The following KDM4C variants were observed in gnomAD, a reference collection of about 807,000 sequenced individuals.
The protein encoded by KDM4C is lysine demethylase 4C, also known as lysine-specific demethylase 4C.
A neutral mutation model predicts 129.3 loss-of-function variants in KDM4C; 81 were observed. That is an observed-to-expected ratio of 0.63 (90% confidence interval 0.52 to 0.75). The LOEUF is 0.75. KDM4C is among the 30% of genes least tolerant of loss of function. The pLI is 0.00. For missense variants in KDM4C, 1,457 were observed against 1,304.0 expected (o/e 1.12, Z -1.81); for synonymous variants, 573 against 456.1 (o/e 1.26, Z -3.26).
chr9:6,744,276 A>G (rs1817803784), intron 1 of KDM4C, among the ~76,000 whole-genome samples: 1 of 152,216 alleles, frequency 6.6e-6, no homozygotes. Flanking sequence ...CTGTAATCCC[A>G]GCACTTTGGG....
intron 15 of KDM4C, among the ~76,000 whole-genome samples, chr9:7,021,140 G>GTGTGTATATA (rs111565497): frequency 8.8e-5 from 13 of 146,952 alleles, no homozygotes; most frequent in Admixed American, 2.7e-4. Context: ...GTGTGTGTGT[G>GTGTGTATATA]TATATATATA....
At chr9:6,768,590 A>C (rs938804998) in intron 1 of KDM4C, among the ~76,000 whole-genome samples, 3 of 152,162 alleles carry the variant, frequency 2.0e-5, no homozygotes, top group African/African-American at 7.2e-5. Flanking sequence ...TATTTGTTAT[A>C]GTAATTAATG....
chr9:7,092,941 G>A (rs1008495775), intron 17 of KDM4C, among the ~76,000 whole-genome samples: 9 of 152,108 alleles, frequency 5.9e-5, no homozygotes, highest in African/African-American at 1.9e-4. Flanking sequence ...CATTATAAAA[G>A]CCATGCCAAG....
At chr9:7,078,474 T>C (rs768471593) in intron 17 of KDM4C, among the ~76,000 whole-genome samples, 8 of 152,110 alleles carry the variant, frequency 5.3e-5, no homozygotes, top group Non-Finnish European at 7.4e-5. Context: ...ATTTTTCTTA[T>C]TAATGTTCAC....
intron 8 of KDM4C, among the ~76,000 whole-genome samples, chr9:6,928,592 A>G (rs1343539119): frequency 6.9e-6 from 1 of 145,506 alleles, no homozygotes; most frequent in African/African-American, 2.7e-5. Flanking sequence ...TATATCACCT[A>G]TGTCCTCTTT....
chr9:6,819,506 C>A (rs1832666740), intron 4 of KDM4C, among the ~76,000 whole-genome samples: 1 of 152,186 alleles, frequency 6.6e-6, no homozygotes, highest in Admixed American at 6.5e-5. Flanking sequence ...TATAGAATTT[C>A]TGCAGGCTGT....
chr9:7,118,029 T>A (rs1160098849), intron 18 of KDM4C, among the ~76,000 whole-genome samples: 1 of 152,236 alleles, frequency 6.6e-6, no homozygotes, highest in Non-Finnish European at 1.5e-5. Flanking sequence ...AAGATTCTGC[T>A]ATAGCTAAAG....
intron 17 of KDM4C, among the ~76,000 whole-genome samples, chr9:7,078,285 G>C (rs1834146035): frequency 6.6e-6 from 1 of 151,862 alleles, no homozygotes; most frequent in South Asian, 2.1e-4. Flanking sequence ...TATTAAATCA[G>C]ATAAAATGTT....
intron 19 of KDM4C, among the ~76,000 whole-genome samples, chr9:7,155,796 G>C (rs1843107374): frequency 6.6e-6 from 1 of 152,174 alleles, no homozygotes; most frequent in South Asian, 2.1e-4. Flanking sequence ...CTTTGCTATT[G>C]TGAATAGTGT....
At position 7,103,823 on chromosome 9, in the gene KDM4C, TATGTGGTGAACATTAC is replaced by T; in HGVS notation, c.2567_2582del (p.Val856AlafsTer10). On this transcript the variant is annotated frameshift_variant, in exon 18 of 22. Coordinates refer to ENST00000381309, the MANE Select transcript of KDM4C (RefSeq NM_015061.6). LOFTEE classifies it high-confidence loss of function. The stretch of plus-strand genomic sequence containing the variant: ...ACTGATGGAGCCTGATGACTGGCCT[TATGTGGTGAACATTAC>T]ATGCTTTCGACATAAGGTCAACCCC... The T allele has an allele frequency of 6.2e-7, 1 of 1,614,046 alleles. No individual in the cohort carries two copies.
chr9:7,025,239 C>T (rs1825611279), intron 15 of KDM4C, among the ~76,000 whole-genome samples: 1 of 152,032 alleles, frequency 6.6e-6, no homozygotes, highest in Non-Finnish European at 1.5e-5. Context: ...TTATTTTCAG[C>T]CTATGTGTGT....
rs537771829 is a variant in KDM4C, at chr9:7,073,511, T to C, written c.2424+24311T>C. ...CCTTTGTGGTGGTAGCTTCCCGATA[T>C]TCTCAGAGGCTGAAAACAAACATGG... On this transcript the variant is annotated intron_variant, in intron 17 of 21. Coordinates refer to ENST00000381309, the MANE Select transcript of KDM4C (RefSeq NM_015061.6). 2.0e-5 allele frequency among the ~76,000 whole-genome samples: 3 copies of C among 152,346 alleles called. No homozygotes were observed. In the South Asian group the frequency reaches 6.2e-4, roughly 32 times the overall value.
At chr9:6,748,176 CAA>C (rs1817946069) in intron 1 of KDM4C, among the ~76,000 whole-genome samples, 3 of 58,090 alleles carry the variant, frequency 5.2e-5, no homozygotes, top group Admixed American at 3.4e-4. Context: ...AAAAAAAAAA[CAA>C]ACAAACAAAC....
chr9:7,116,070 A>G (rs1187384426), intron 18 of KDM4C, among the ~76,000 whole-genome samples: 4 of 152,194 alleles, frequency 2.6e-5, no homozygotes, highest in Non-Finnish European at 4.4e-5. Flanking sequence ...TTCTTCTGAA[A>G]TGATGTTCTG....
intron 18 of KDM4C, chr9:7,105,381 A>C (rs559373646): frequency 4.3e-6 from 2 of 465,386 alleles, no homozygotes; most frequent in South Asian, 3.1e-5. Context: ...ATGGTATCCC[A>C]CCTCACCATG....
intron 12 of KDM4C, among the ~76,000 whole-genome samples, chr9:7,000,958 G>A (rs961633252): frequency 6.6e-6 from 1 of 152,188 alleles, no homozygotes; most frequent in Non-Finnish European, 1.5e-5. Context: ...GCTGGCCAAT[G>A]AAAACTTAGT....
chr9:6,861,200 T>C (rs976000456), intron 5 of KDM4C, among the ~76,000 whole-genome samples: 3 of 152,236 alleles, frequency 2.0e-5, no homozygotes, highest in Non-Finnish European at 1.5e-5. Context: ...TACTACTTTA[T>C]TATGTTCTGT....
At chr9:7,139,359 A>G (rs1841520501) in intron 19 of KDM4C, among the ~76,000 whole-genome samples, 1 of 152,214 alleles carries the variant, frequency 6.6e-6, no homozygotes, top group Admixed American at 6.5e-5. Flanking sequence ...GTAACAGATA[A>G]TATTGAATCA....
intron 15 of KDM4C, among the ~76,000 whole-genome samples, chr9:7,023,066 T>A (rs1825166809): frequency 6.6e-6 from 1 of 152,230 alleles, no homozygotes; most frequent in Non-Finnish European, 1.5e-5. Context: ...TTGTTGAAGA[T>A]TTCTGCATCA....
Sources: allele counts gnomAD v4.1 joint callset (sites outside exome capture counted in the v4.1 genomes callset), GRCh38; gene constraint gnomAD v4.1.1; transcripts MANE v1.5; gene names NCBI Gene and HGNC (gene_info 2026-07-23, HGNC 2026-07-21).